The following PSD3 variants were observed in gnomAD, a reference collection of about 807,000 sequenced individuals.
The protein encoded by PSD3 is pleckstrin and Sec7 domain containing 3.
A neutral mutation model predicts 105.5 loss-of-function variants in PSD3; 49 were observed. That is an observed-to-expected ratio of 0.46 (90% CI 0.37 to 0.59). PSD3 has a LOEUF of 0.59. Ranked by LOEUF, PSD3 falls within the 20% of genes least tolerant of loss-of-function variation. PSD3 has a pLI of 0.00. For missense variants in PSD3, 1,561 were observed against 1,263.8 expected (o/e 1.24, Z -3.57); for synonymous variants, 557 against 457.8 (o/e 1.22, Z -2.77).
In PSD3 at chr8:18,527,319, G is replaced by A. The variant is rs879156389; in HGVS notation, c.*8424C>T. On this transcript the variant is annotated 3_prime_UTR_variant, in exon 16 of 16. Coordinates refer to ENST00000327040, the MANE Select transcript of PSD3 (RefSeq NM_015310.4). ...TCCCTCAAATGATTGAAATTTGTTG[G>A]ATTTATTTCTTTCTAAAGTTTGTAC... The A allele has an allele frequency of 6.6e-6, 1 of 152,478 alleles. No homozygotes were observed. Among genetic ancestry groups the A allele is most frequent in the African/African-American group, 2.4e-5 (1 of 41,374 alleles). The allele number at this position is 152,478 out of a possible 1,614,324, so 9.4% of individuals were successfully genotyped here. A position where few individuals can be genotyped will look rare whatever the true frequency, so the allele number is the denominator to read the frequency against.
intron 10 of PSD3, among the ~76,000 whole-genome samples, chr8:18,654,692 A>G (rs1045341564): frequency 2.6e-5 from 4 of 152,206 alleles, no homozygotes; most frequent in Non-Finnish European, 5.9e-5. Context: ...AACATTACAC[A>G]TTCTATTCCT....
intron 1 of PSD3, among the ~76,000 whole-genome samples, chr8:19,082,320 C>G (rs182389150): frequency 9.2e-5 from 14 of 152,276 alleles, no homozygotes; most frequent in African/African-American, 3.4e-4. Context: ...CTGGTCCTAC[C>G]TGGTGTCTCA....
intron 15 of PSD3, among the ~76,000 whole-genome samples, chr8:18,544,870 C>G (rs1460727555): frequency 6.6e-6 from 1 of 152,150 alleles, no homozygotes; most frequent in African/African-American, 2.4e-5. Context: ...GTTTCCTGGA[C>G]AGGCCCTTCA....
chr8:19,047,209 C>T (rs914197638), intron 1 of PSD3, among the ~76,000 whole-genome samples: 1 of 152,138 alleles, frequency 6.6e-6, no homozygotes, highest in South Asian at 2.1e-4. Context: ...GATGATAAAA[C>T]GCACTCCTGA....
chr8:18,569,515 G>C (rs891788744), intron 14 of PSD3, among the ~76,000 whole-genome samples: 4 of 140,924 alleles, frequency 2.8e-5, no homozygotes, highest in African/African-American at 5.4e-5. Flanking sequence ...TTGCTTCAAA[G>C]AGAATAAAAT....
intron 1 of PSD3, among the ~76,000 whole-genome samples, chr8:19,078,548 C>CCTCTGCT (rs1348690114): frequency 6.6e-6 from 1 of 152,038 alleles, no homozygotes; most frequent in Non-Finnish European, 1.5e-5. Flanking sequence ...TGTATTTTCT[C>CCTCTGCT]CTCTGCTCTC....
At chr8:18,750,323 G>A (rs1805370805) in intron 9 of PSD3, among the ~76,000 whole-genome samples, 1 of 152,042 alleles carries the variant, frequency 6.6e-6, no homozygotes, top group Admixed American at 6.5e-5. Context: ...TCTTCCTTCT[G>A]GTGGGTTCGT....
At chr8:18,796,072 G>A (rs987263608) in intron 8 of PSD3, among the ~76,000 whole-genome samples, 5 of 152,006 alleles carry the variant, frequency 3.3e-5, no homozygotes, top group Admixed American at 3.3e-4. Flanking sequence ...TAATTTAAGG[G>A]AATAAACTAC....
chr8:18,753,130 G>A (rs1165154543), intron 9 of PSD3, among the ~76,000 whole-genome samples: 1 of 152,096 alleles, frequency 6.6e-6, no homozygotes, highest in Non-Finnish European at 1.5e-5. Context: ...GCCGAGGCAG[G>A]TGGATCACGA....
chr8:19,042,339 C>A (rs1337403777), intron 1 of PSD3, among the ~76,000 whole-genome samples: 1 of 152,138 alleles, frequency 6.6e-6, no homozygotes, highest in African/African-American at 2.4e-5. Flanking sequence ...GGGGTGATGG[C>A]TTCCACATGA....
intron 4 of PSD3, among the ~76,000 whole-genome samples, chr8:18,850,976 C>G (rs1815518061): frequency 6.6e-6 from 1 of 152,002 alleles, no homozygotes; most frequent in Non-Finnish European, 1.5e-5. Flanking sequence ...ACAGAGGGGA[C>G]AAAAGATCTC....
intron 9 of PSD3, among the ~76,000 whole-genome samples, chr8:18,709,788 A>G (rs1215209287): frequency 6.6e-6 from 1 of 152,184 alleles, no homozygotes; most frequent in Admixed American, 6.5e-5. Flanking sequence ...GAAAAACAGA[A>G]AGCAACAACA....
chr8:18,961,983 A>G (rs1252593814), intron 1 of PSD3, among the ~76,000 whole-genome samples: 1 of 151,976 alleles, frequency 6.6e-6, no homozygotes, highest in Non-Finnish European at 1.5e-5. Context: ...TATATTTAAA[A>G]ATAATGAATC....
chr8:18,940,322 T>A (rs1291663857), intron 1 of PSD3: 1 of 152,188 alleles, frequency 6.6e-6, no homozygotes, highest in Non-Finnish European at 1.5e-5. Flanking sequence ...CAGGTTAAGG[T>A]GGGGCCTGGG....
In PSD3 at chr8:18,647,465, C is replaced by T. The variant is rs922395105; in HGVS notation, c.2216+8177G>A. 7.2e-5 allele frequency among the ~76,000 whole-genome samples: 11 copies of T among 152,188 alleles called. No individual in the cohort carries two copies. The South Asian group carries it at 8.3e-4, about 11-fold the overall frequency. On this transcript the variant is annotated intron_variant, in intron 10 of 15. Coordinates refer to ENST00000327040, the MANE Select transcript of PSD3 (RefSeq NM_015310.4). ...TGAAATTGCAGGAAAGATTATTCCA[C>T]GATGCAAAGTTGTAAAATGCTTATC...
chr8:19,028,595 T>C (rs1290926504), intron 1 of PSD3, among the ~76,000 whole-genome samples: 1 of 152,140 alleles, frequency 6.6e-6, no homozygotes, highest in East Asian at 1.9e-4. Flanking sequence ...ATACAATTTA[T>C]GTATCAGATA....
At chr8:18,681,312 A>C (rs537411722) in intron 9 of PSD3, among the ~76,000 whole-genome samples, 1 of 152,178 alleles carries the variant, frequency 6.6e-6, no homozygotes, top group Non-Finnish European at 1.5e-5. Context: ...CATGATTAGC[A>C]AGAAGAAATA....
chr8:18,558,270 C>T (rs774153658), intron 14 of PSD3, among the ~76,000 whole-genome samples: 2 of 152,060 alleles, frequency 1.3e-5, no homozygotes, highest in Non-Finnish European at 2.9e-5. Flanking sequence ...TGTAAATTAC[C>T]TAATAGACTT....
At chr8:18,899,555 AC>A (rs1819368884) in intron 2 of PSD3, among the ~76,000 whole-genome samples, 1 of 151,872 alleles carries the variant, frequency 6.6e-6, no homozygotes, top group South Asian at 2.1e-4. Flanking sequence ...GGTCCTTATG[AC>A]CCCCTGATGT....
Sources: gnomAD v4.1 joint callset for allele counts (sites outside exome capture counted in the v4.1 genomes callset) on GRCh38, gnomAD v4.1.1 for gene constraint, MANE v1.5 for transcripts, NCBI Gene and HGNC (gene_info 2026-07-23, HGNC 2026-07-21) for gene names.